The following TSHZ2 variants were observed in gnomAD, a reference collection of about 807,000 sequenced individuals.
TSHZ2 encodes the protein teashirt zinc finger homeobox 2.
TSHZ2 carries 21 observed loss-of-function variants against 74.4 expected under a neutral mutation model. The observed-to-expected ratio is 0.28, with a 90% confidence interval of 0.20 to 0.41. The LOEUF is 0.41. Among genes scored for constraint, TSHZ2 ranks in the 10% least tolerant of loss-of-function variants. TSHZ2 has a pLI of 1.00. For missense variants in TSHZ2, 1,244 were observed against 1,293.5 expected (o/e 0.96, Z 0.59); for synonymous variants, 540 against 515.3 (o/e 1.05, Z -0.65).
chr20:53,216,569 T>G (rs1709043093), intron 1 of TSHZ2, among the ~76,000 whole-genome samples: 2 of 152,214 alleles, frequency 1.3e-5, no homozygotes, highest in Non-Finnish European at 2.9e-5. Flanking sequence ...GCCAGGAACA[T>G]TTTCTGGTGT....
intron 2 of TSHZ2, among the ~76,000 whole-genome samples, chr20:53,268,281 A>T (rs1041864425): frequency 6.6e-6 from 1 of 152,134 alleles, no homozygotes; most frequent in Non-Finnish European, 1.5e-5. Context: ...ATTACTTACT[A>T]TTCATTTCGT....
intron 2 of TSHZ2, among the ~76,000 whole-genome samples, chr20:53,272,035 C>T (rs761181921): frequency 8.8e-4 from 133 of 151,152 alleles, no homozygotes; most frequent in Non-Finnish European, 1.7e-3. Context: ...TCTTTTGTGA[C>T]GGAGTCTTGT....
intron 1 of TSHZ2, among the ~76,000 whole-genome samples, chr20:53,200,125 G>A (rs1330778770): frequency 5.3e-5 from 8 of 152,192 alleles, no homozygotes; most frequent in African/African-American, 1.9e-4. Flanking sequence ...GATTGGGTGC[G>A]ATTGCCAGAA....
intron 1 of TSHZ2, among the ~76,000 whole-genome samples, chr20:53,200,889 A>G (rs1278017845): frequency 2.0e-5 from 3 of 152,202 alleles, no homozygotes; most frequent in Non-Finnish European, 4.4e-5. Flanking sequence ...TATGGTGGGA[A>G]CAATGGTTGG....
At chr20:52,977,251 T>C (rs919164053) in intron 1 of TSHZ2, among the ~76,000 whole-genome samples, 1 of 152,086 alleles carries the variant, frequency 6.6e-6, no homozygotes, top group Admixed American at 6.6e-5. Context: ...TACTGTCAAG[T>C]GGGACAGCTT....
Position 53,201,856 on chromosome 20 carries a change from G to T in TSHZ2, c.41-51643G>T, listed in dbSNP as rs969375527. Among the ~76,000 whole-genome samples the T allele has an allele frequency of 1.1e-4, 17 of 152,284 alleles. 1 individual carries two copies. The highest frequency in any genetic ancestry group is 7.2e-4 in the Admixed American group (11 of 15,288). On this transcript the variant is annotated intron_variant, in intron 1 of 2. Transcript: ENST00000371497. ...AGCACCTCTCCCCCATGCAAGTTGT[G>T]ACAATCAAAAATATCTCCAGACATT...
In TSHZ2 at chr20:52,994,531, A is replaced by G. The variant is rs912760092; in HGVS notation, c.40+21198A>G. On this transcript the variant is annotated intron_variant, in intron 1 of 2. Transcript: ENST00000371497. ...CCTAGGAATTCAAGCTCATGTCTAT[A>G]TGTTTGTTTCTGGATCTAATTGTTG... Among the ~76,000 whole-genome samples the G allele has an allele frequency of 5.3e-5, 8 of 152,256 alleles. No homozygotes were observed. The South Asian group carries it at 1.2e-3, about 24-fold the overall frequency.
intron 1 of TSHZ2, among the ~76,000 whole-genome samples, chr20:53,095,192 G>A (rs1387717496): frequency 6.6e-6 from 1 of 152,180 alleles, no homozygotes; most frequent in African/African-American, 2.4e-5. Context: ...ATATTTCTCT[G>A]GGTCACTTTT....
At chr20:53,183,069 C>T (rs1363259606) in intron 1 of TSHZ2, among the ~76,000 whole-genome samples, 2 of 152,172 alleles carry the variant, frequency 1.3e-5, no homozygotes, top group Non-Finnish European at 1.5e-5. Flanking sequence ...CATTTTTCAA[C>T]ATTACCCAAA....
chr20:53,049,589 C>T (rs1019338901), intron 1 of TSHZ2, among the ~76,000 whole-genome samples: 4 of 152,048 alleles, frequency 2.6e-5, no homozygotes, highest in Non-Finnish European at 4.4e-5. Flanking sequence ...ATAAAGGAAG[C>T]GCTTGTGTCA....
chr20:53,301,944 C>T (rs887687130), intron 2 of TSHZ2, among the ~76,000 whole-genome samples: 1 of 152,152 alleles, frequency 6.6e-6, no homozygotes, highest in Admixed American at 6.5e-5. Context: ...GTTTTGAGAA[C>T]TTTCCTTGAA....
chr20:53,450,337 G>A (rs1386338275), intron 2 of TSHZ2, among the ~76,000 whole-genome samples: 1 of 152,184 alleles, frequency 6.6e-6, no homozygotes, highest in East Asian at 1.9e-4. Context: ...AAAGCATTTT[G>A]ATTGCTTTGG....
intron 1 of TSHZ2, among the ~76,000 whole-genome samples, chr20:53,153,723 C>T (rs1291312834): frequency 6.6e-6 from 1 of 152,040 alleles, no homozygotes; most frequent in Non-Finnish European, 1.5e-5. Flanking sequence ...CCAGTTTGCC[C>T]AACTGGAGCC....
At chr20:53,056,776 G>A (rs1984653404) in intron 1 of TSHZ2, among the ~76,000 whole-genome samples, 1 of 152,158 alleles carries the variant, frequency 6.6e-6, no homozygotes, top group Non-Finnish European at 1.5e-5. Flanking sequence ...ACATGCTTCA[G>A]AACTCCTTTT....
intron 1 of TSHZ2, among the ~76,000 whole-genome samples, chr20:53,005,084 C>G (rs1183033973): frequency 6.6e-6 from 1 of 152,038 alleles, no homozygotes; most frequent in Non-Finnish European, 1.5e-5. Context: ...AGGCCGAGGC[C>G]AGAGGATCAG....
chr20:53,391,479 G>GA (rs1555858193), intron 2 of TSHZ2, among the ~76,000 whole-genome samples: 2 of 141,210 alleles, frequency 1.4e-5, no homozygotes, highest in Non-Finnish European at 3.1e-5. Context: ...TTTTGTTTTT[G>GA]TTTTTTTTTT....
intron 2 of TSHZ2, among the ~76,000 whole-genome samples, chr20:53,311,385 A>G (rs1396407308): frequency 6.6e-6 from 1 of 152,268 alleles, no homozygotes; most frequent in African/African-American, 2.4e-5. Flanking sequence ...CTAACAGTAA[A>G]GCAAATATGG....
chr20:53,275,363 G>C (rs1387530768), intron 2 of TSHZ2, among the ~76,000 whole-genome samples: 1 of 151,880 alleles, frequency 6.6e-6, no homozygotes, highest in Admixed American at 6.6e-5. Context: ...TGAATATTAT[G>C]AGCCATTTTC....
At chr20:53,095,337 A>G (rs1187094482) in intron 1 of TSHZ2, among the ~76,000 whole-genome samples, 1 of 152,178 alleles carries the variant, frequency 6.6e-6, no homozygotes, top group African/African-American at 2.4e-5. Context: ...TCTAGGCAAT[A>G]TCTCATGATA....
Sources: allele counts gnomAD v4.1 joint callset (sites outside exome capture counted in the v4.1 genomes callset), GRCh38; gene constraint gnomAD v4.1.1; transcripts MANE v1.5; gene names NCBI Gene and HGNC (gene_info 2026-07-23, HGNC 2026-07-21).